The following ASTN2 variants were observed in gnomAD, a reference collection of about 807,000 sequenced individuals.
The protein encoded by ASTN2 is astrotactin 2, also known as astrotactin-2.
Under a neutral mutation model 139.8 loss-of-function variants are expected in ASTN2, and 54 were observed. The observed-to-expected ratio is 0.39, with a 90% CI of 0.31 to 0.48. The LOEUF is 0.48. ASTN2 is among the 20% of genes least tolerant of loss of function. The probability of loss-of-function intolerance (pLI) is 0.95; values close to 1 mark genes in which losing one functional copy is unlikely to be tolerated. For missense variants in ASTN2, 1,565 were observed against 1,725.1 expected (o/e 0.91, Z 1.64); for synonymous variants, 756 against 719.5 (o/e 1.05, Z -0.81).
intron 13 of ASTN2, among the ~76,000 whole-genome samples, chr9:116,741,870 T>G (rs1829103950): frequency 6.6e-6 from 1 of 152,178 alleles, no homozygotes; most frequent in Non-Finnish European, 1.5e-5. Flanking sequence ...TAATTATGCA[T>G]CATAGTTTAA....
intron 1 of ASTN2, among the ~76,000 whole-genome samples, chr9:117,360,835 G>A (rs1829672152): frequency 6.6e-6 from 1 of 152,044 alleles, no homozygotes; most frequent in Non-Finnish European, 1.5e-5. Context: ...ATATACTTTT[G>A]TACTCTAAAA....
At chr9:116,695,560 G>A (rs1220557929) in intron 16 of ASTN2, among the ~76,000 whole-genome samples, 6 of 152,194 alleles carry the variant, frequency 3.9e-5, no homozygotes, top group Admixed American at 2.6e-4. Context: ...GTGTTCTTGA[G>A]CTAAATGCAT....
intron 5 of ASTN2, among the ~76,000 whole-genome samples, chr9:117,081,543 C>T (rs1828428486): frequency 6.6e-6 from 1 of 152,166 alleles, no homozygotes; most frequent in African/African-American, 2.4e-5. Flanking sequence ...GATATCACTC[C>T]ATAATTAGAT....
Position 117,414,719 on chromosome 9 carries a change from G to T in ASTN2, c.220C>A (p.Pro74Thr). 7.8e-7 allele frequency: 1 copy of T among 1,276,606 alleles called. No homozygotes were observed. Among genetic ancestry groups the T allele is most frequent in the Middle Eastern group, 3.1e-4 (1 of 3,244 alleles). The allele number at this position is 1,276,606 out of a possible 1,614,324, so 79.1% of individuals were successfully genotyped here. A position where few individuals can be genotyped will look rare whatever the true frequency, so the allele number is the denominator to read the frequency against. Residue 74 changes from proline to threonine, a missense_variant, in exon 1 of 23, where the codon CCC becomes ACC. Physicochemically the swap from Pro to Thr is conservative, Grantham distance 38. This residue lies in a region of ASTN2 where 596 missense variants were observed against 576.8 expected (regional missense o/e 1.03). Transcript: ENST00000313400. The surrounding 1 kb of genome is among the most constrained non-coding windows in gnomAD (Gnocchi z 4.2). Reference sequence around the variant, plus strand: ...CCGATGTCGCTCTCCCGCAGGGCGGGCAGTGTGGACACCGTGACGGTCTTC... The same window carrying T: ...CCGATGTCGCTCTCCCGCAGGGCGGTCAGTGTGGACACCGTGACGGTCTTC... ...RLKTVTVSTL[P>T]ALRESDIGWS...
chr9:117,019,517 G>A (rs1837810774), intron 6 of ASTN2, among the ~76,000 whole-genome samples: 1 of 152,106 alleles, frequency 6.6e-6, no homozygotes, highest in Admixed American at 6.6e-5. Context: ...CCACACTGTA[G>A]CCTTCTCAGC....
rs544250781 is a variant in ASTN2 at position 117,413,440 on chromosome 9, G to T, written c.442+1057C>A. Among the ~76,000 whole-genome samples, 303 of 152,366 alleles carry T rather than the reference G, an allele frequency of 2.0e-3. 3 individuals are homozygous for T. The highest frequency in any genetic ancestry group is 2.2e-3 in the Non-Finnish European group (153 of 68,042). On this transcript the variant is annotated intron_variant, in intron 1 of 22. Transcript: ENST00000313400. Reference sequence around the variant, plus strand: ...CGGGCGCTGTTGTTGGCCAGACTCCGACAACCAATAAGGCCCCGCGCCCCC... The same window carrying T: ...CGGGCGCTGTTGTTGGCCAGACTCCTACAACCAATAAGGCCCCGCGCCCCC...
At chr9:117,227,590 A>C (rs1832755477) in intron 2 of ASTN2, among the ~76,000 whole-genome samples, 1 of 152,222 alleles carries the variant, frequency 6.6e-6, no homozygotes, top group Non-Finnish European at 1.5e-5. Context: ...GATATGAATT[A>C]TTTATTAGCC....
chr9:116,682,199 T>C (rs1460245910), intron 16 of ASTN2, among the ~76,000 whole-genome samples: 1 of 151,790 alleles, frequency 6.6e-6, no homozygotes, highest in African/African-American at 2.4e-5. Flanking sequence ...AACAACCCCA[T>C]CAAAAAGTGG....
At chr9:117,180,545 A>G in intron 3 of ASTN2, 1 of 673,628 alleles carries the variant, frequency 1.5e-6, no homozygotes, top group South Asian at 1.9e-5. Flanking sequence ...GTTCATATCC[A>G]TATTTCAGCA....
intron 2 of ASTN2, among the ~76,000 whole-genome samples, chr9:117,219,229 A>AGAATT (rs1832434419): frequency 1.3e-5 from 2 of 152,140 alleles, no homozygotes; most frequent in African/African-American, 4.8e-5. Flanking sequence ...CCACACCCAT[A>AGAATT]GAATTACATA....
intron 5 of ASTN2, among the ~76,000 whole-genome samples, chr9:117,069,317 C>G (rs201560445): frequency 1.1e-5 from 1 of 87,886 alleles, no homozygotes; most frequent in African/African-American, 5.1e-5. Flanking sequence ...AGTTGAGCGG[C>G]TTTGAGTGAG....
chr9:116,575,950 G>A (rs1564128343), intron 19 of ASTN2, among the ~76,000 whole-genome samples: 1 of 152,182 alleles, frequency 6.6e-6, no homozygotes, highest in Non-Finnish European at 1.5e-5. Context: ...GGAAGAGGGA[G>A]GAGGAAGCTC....
chr9:117,301,932 T>G (rs1834885242), intron 1 of ASTN2, among the ~76,000 whole-genome samples: 1 of 152,130 alleles, frequency 6.6e-6, no homozygotes, highest in South Asian at 2.1e-4. Context: ...CAATCTCTTA[T>G]GATAGCTGTG....
chr9:116,465,086 C>T (rs1319250012), intron 20 of ASTN2, among the ~76,000 whole-genome samples: 2 of 152,116 alleles, frequency 1.3e-5, no homozygotes, highest in Non-Finnish European at 2.9e-5. Flanking sequence ...TTGAGCATAC[C>T]CTTAGCACAC....
chr9:116,435,350 C>G (rs1038990618), intron 22 of ASTN2, among the ~76,000 whole-genome samples: 1 of 152,144 alleles, frequency 6.6e-6, no homozygotes, highest in African/African-American at 2.4e-5. Context: ...CTTGCTAATC[C>G]TTGAAAGGCA....
intron 10 of ASTN2, among the ~76,000 whole-genome samples, chr9:116,927,120 A>G (rs1188055759): frequency 4.6e-5 from 7 of 152,178 alleles, no homozygotes; most frequent in Non-Finnish European, 8.8e-5. Context: ...TTCATTGCAG[A>G]TTGCAGAAAA....
chr9:116,563,376 AAAAAATAAAAATAAAAAT>A (rs201744424), intron 19 of ASTN2, among the ~76,000 whole-genome samples: 1 of 111,572 alleles, frequency 9.0e-6, no homozygotes, highest in Non-Finnish European at 2.0e-5. Context: ...CTCTGTCTCA[AAAAAATAAAAATAAAAAT>A]AAAAATAAAA....
At chr9:117,245,048 T>C (rs1833338525) in intron 2 of ASTN2, among the ~76,000 whole-genome samples, 1 of 151,768 alleles carries the variant, frequency 6.6e-6, no homozygotes, top group African/African-American at 2.4e-5. Flanking sequence ...ATGATACAAG[T>C]AGAAGGTGGC....
intron 2 of ASTN2, among the ~76,000 whole-genome samples, chr9:117,270,187 CTT>C (rs1313283300): frequency 6.6e-6 from 1 of 152,126 alleles, no homozygotes; most frequent in African/African-American, 2.4e-5. Context: ...GGTAAGAAAA[CTT>C]AACATGAGAT....
Sources: allele counts gnomAD v4.1 joint callset (sites outside exome capture counted in the v4.1 genomes callset), GRCh38; gene constraint gnomAD v4.1.1; regional missense constraint gnomAD v4.1.1; non-coding constraint Gnocchi (gnomAD v3.1); transcripts MANE v1.5; gene names NCBI Gene and HGNC (gene_info 2026-07-23, HGNC 2026-07-21).